EDIL3: variants seen among roughly 807,000 people sequenced by gnomAD.
EDIL3 encodes EGF-like repeat and discoidin I-like domain-containing protein 3.
Under a neutral mutation model 67.4 loss-of-function variants are expected in EDIL3, and 37 were observed. The observed-to-expected ratio is 0.55, with a 90% CI of 0.42 to 0.72. EDIL3 has a LOEUF of 0.72. Among genes scored for constraint, EDIL3 ranks in the 30% least tolerant of loss-of-function variants. The pLI is 0.00. For synonymous variants in EDIL3, 195 were observed against 196.3 expected, an observed-to-expected ratio of 0.99 and a Z score of 0.05; for missense variants, 527 against 586.3, an observed-to-expected ratio of 0.90 and a Z score of 1.04.
At chr5:84,107,687 A>T (rs1747488440) in intron 5 of EDIL3, among the ~76,000 whole-genome samples, 1 of 150,688 alleles carries the variant, frequency 6.6e-6, no homozygotes, top group Admixed American at 6.6e-5. Context: ...CTCAGATACC[A>T]AATGTATTTA....
At chr5:84,126,003 G>C (rs1440895717) in intron 5 of EDIL3, among the ~76,000 whole-genome samples, 4 of 151,910 alleles carry the variant, frequency 2.6e-5, no homozygotes, top group Non-Finnish European at 4.4e-5. Context: ...CAAGTCCATA[G>C]GGTAGGTAAT....
intron 2 of EDIL3, among the ~76,000 whole-genome samples, chr5:84,236,705 G>A (rs558612481): frequency 1.3e-5 from 2 of 152,022 alleles, no homozygotes; most frequent in South Asian, 4.1e-4. Flanking sequence ...AATTGGTTCT[G>A]AGTAAATATT....
At chr5:84,300,068 G>T (rs1746125854) in intron 1 of EDIL3, among the ~76,000 whole-genome samples, 2 of 152,158 alleles carry the variant, frequency 1.3e-5, no homozygotes, top group South Asian at 4.1e-4. Context: ...TTTTACTACA[G>T]TTCTATAGGC....
At chr5:84,233,193 T>A (rs1042425697) in intron 2 of EDIL3, among the ~76,000 whole-genome samples, 3 of 152,108 alleles carry the variant, frequency 2.0e-5, no homozygotes, top group Non-Finnish European at 4.4e-5. Flanking sequence ...GGTAAAAAAA[T>A]ATATCAGACA....
intron 1 of EDIL3, among the ~76,000 whole-genome samples, chr5:84,369,359 A>G (rs2112210276): frequency 6.6e-6 from 1 of 152,182 alleles, no homozygotes; most frequent in African/African-American, 2.4e-5. Context: ...ACAACACAAC[A>G]TACACATACA....
chr5:83,995,167 C>T (rs1478580855), intron 9 of EDIL3, among the ~76,000 whole-genome samples: 1 of 151,610 alleles, frequency 6.6e-6, no homozygotes, highest in Admixed American at 6.6e-5. Context: ...TACACACACA[C>T]ACACACACAC....
At chr5:84,290,700 C>A (rs544132450) in intron 1 of EDIL3, among the ~76,000 whole-genome samples, 1 of 152,304 alleles carries the variant, frequency 6.6e-6, no homozygotes, top group South Asian at 2.1e-4. Context: ...TATCCACTAT[C>A]ACCAGACTTT....
intron 7 of EDIL3, among the ~76,000 whole-genome samples, chr5:84,065,211 T>C (rs904402436): frequency 2.0e-5 from 3 of 152,218 alleles, no homozygotes; most frequent in African/African-American, 7.2e-5. Flanking sequence ...TTAGTATTCA[T>C]ACTTTTGGGG....
intron 2 of EDIL3, among the ~76,000 whole-genome samples, chr5:84,247,773 T>C (rs938717143): frequency 1.3e-5 from 2 of 152,046 alleles, no homozygotes; most frequent in African/African-American, 2.4e-5. Context: ...TTTTACATGA[T>C]ATGCTATACA....
chr5:84,159,550 T>G (rs1267835750), intron 4 of EDIL3, among the ~76,000 whole-genome samples: 3 of 152,012 alleles, frequency 2.0e-5, no homozygotes, highest in Non-Finnish European at 4.4e-5. Context: ...TCAAAACACT[T>G]GATCATATAT....
At chr5:84,262,172 T>C (rs1745235073) in intron 1 of EDIL3, among the ~76,000 whole-genome samples, 1 of 152,216 alleles carries the variant, frequency 6.6e-6, no homozygotes, top group Non-Finnish European at 1.5e-5. Context: ...CTTTACTGCA[T>C]ATTAAAATCA....
At chr5:83,949,606 C>T (rs1375141269) in intron 10 of EDIL3, among the ~76,000 whole-genome samples, 1 of 151,810 alleles carries the variant, frequency 6.6e-6, no homozygotes, top group Non-Finnish European at 1.5e-5. Context: ...TGTGTACTAT[C>T]TTGAAGTAAA....
intron 5 of EDIL3, among the ~76,000 whole-genome samples, chr5:84,122,152 C>T (rs753834843): frequency 6.6e-6 from 1 of 151,956 alleles, no homozygotes; most frequent in Non-Finnish European, 1.5e-5. Flanking sequence ...TCTTTCTCTT[C>T]TGCAACTAAG....
At chr5:84,053,218 T>C (rs1430403949) in intron 9 of EDIL3, among the ~76,000 whole-genome samples, 2 of 152,076 alleles carry the variant, frequency 1.3e-5, no homozygotes, top group African/African-American at 4.8e-5. Flanking sequence ...ACTGGGTACA[T>C]AACGAAATGA....
At chr5:84,265,531 G>A (rs549090335) in intron 1 of EDIL3, among the ~76,000 whole-genome samples, 1 of 152,302 alleles carries the variant, frequency 6.6e-6, no homozygotes, top group South Asian at 2.1e-4. Flanking sequence ...TGTAAAAAGT[G>A]AATGATTTCA....
chr5:84,176,782 A>G (rs1053642926), intron 4 of EDIL3, among the ~76,000 whole-genome samples: 2 of 149,532 alleles, frequency 1.3e-5, no homozygotes, highest in East Asian at 2.0e-4. Flanking sequence ...CCTGTGTGTG[A>G]GCGCATGCGT....
chr5:84,219,199 A>G (rs1744291278), intron 3 of EDIL3, among the ~76,000 whole-genome samples: 1 of 152,188 alleles, frequency 6.6e-6, no homozygotes, highest in African/African-American at 2.4e-5. Flanking sequence ...GTAGGGGAAG[A>G]GATCCTGAGA....
At chr5:84,306,113 T>C (rs576415612) in intron 1 of EDIL3, among the ~76,000 whole-genome samples, 1 of 152,200 alleles carries the variant, frequency 6.6e-6, no homozygotes, top group African/African-American at 2.4e-5. Context: ...CATCAACGCA[T>C]ACTCAGGAAA....
At chr5:84,152,182 T>C (rs1373348596) in intron 4 of EDIL3, among the ~76,000 whole-genome samples, 1 of 152,198 alleles carries the variant, frequency 6.6e-6, no homozygotes, top group Admixed American at 6.5e-5. Flanking sequence ...CCTCTTAAAG[T>C]GCTGGGATTA....
Sources: gnomAD v4.1 joint callset for allele counts (sites outside exome capture counted in the v4.1 genomes callset) on GRCh38, gnomAD v4.1.1 for gene constraint, MANE v1.5 for transcripts, NCBI Gene and HGNC (gene_info 2026-07-23, HGNC 2026-07-21) for gene names.